Variants in DST observed in about 807,000 individuals in gnomAD.
DST encodes the protein bullous pemphigoid antigen.
Under a neutral mutation model 875.2 loss-of-function variants are expected in DST, and 253 were observed. That is an observed-to-expected ratio of 0.29 (90% CI 0.26 to 0.32). The LOEUF is 0.32. Ranked by LOEUF, DST falls within the 10% of genes least tolerant of loss-of-function variation. The probability of loss-of-function intolerance (pLI) is 1.00; values close to 1 mark genes in which losing one functional copy is unlikely to be tolerated. For synonymous variants in DST, 3,124 were observed against 3,197.1 expected (o/e 0.98, Z 0.77); for missense variants, 8,287 against 9,111.6 (o/e 0.91, Z 3.68).
chr6:56,772,406 T>G (rs1054712488), intron 4 of DST, among the ~76,000 whole-genome samples: 1 of 152,180 alleles, frequency 6.6e-6, no homozygotes, highest in Non-Finnish European at 1.5e-5. Context: ...GGCAGGAGAC[T>G]GCATGGCAGA....
intron 5 of DST, among the ~76,000 whole-genome samples, chr6:56,732,591 G>A (rs1252393189): frequency 6.6e-6 from 1 of 152,080 alleles, no homozygotes; most frequent in Non-Finnish European, 1.5e-5. Flanking sequence ...AAATGTAACA[G>A]TAACTTATAC....
chr6:56,581,896 T>C (rs373432314), intron 49 of DST, among the ~76,000 whole-genome samples: 1 of 152,214 alleles, frequency 6.6e-6, no homozygotes, highest in South Asian at 2.1e-4. Flanking sequence ...GGGGTATATC[T>C]AACTACCCAA....
intron 4 of DST, among the ~76,000 whole-genome samples, chr6:56,850,808 C>T (rs1196577307): frequency 6.6e-6 from 1 of 152,194 alleles, no homozygotes. Context: ...AACATTGGCA[C>T]ATCTCATGTA....
intron 90 of DST, among the ~76,000 whole-genome samples, chr6:56,480,677 C>A (rs972863294): frequency 6.6e-6 from 1 of 152,126 alleles, no homozygotes; most frequent in African/African-American, 2.4e-5. Context: ...TATAAAATTA[C>A]AGGTAATTTT....
intron 90 of DST, among the ~76,000 whole-genome samples, chr6:56,478,144 C>T (rs2095273731): frequency 6.6e-6 from 1 of 151,920 alleles, no homozygotes; most frequent in Non-Finnish European, 1.5e-5. Context: ...GAGATAGAAA[C>T]AATACTGATT....
At chr6:56,897,830 C>T (rs1469714312) in intron 3 of DST, among the ~76,000 whole-genome samples, 1 of 152,072 alleles carries the variant, frequency 6.6e-6, no homozygotes, top group Admixed American at 6.6e-5. Flanking sequence ...TATATTTATT[C>T]GCCCTGCTCC....
intron 13 of DST, among the ~76,000 whole-genome samples, chr6:56,647,833 G>A: frequency 6.6e-6 from 1 of 151,912 alleles, no homozygotes; most frequent in Non-Finnish European, 1.5e-5. Flanking sequence ...TTACAAGTGT[G>A]TGCCACCACG....
chr6:56,584,316 G>C (rs1436289388), intron 49 of DST, among the ~76,000 whole-genome samples: 1 of 152,088 alleles, frequency 6.6e-6, no homozygotes, highest in South Asian at 2.1e-4. Flanking sequence ...CACGTCCCTT[G>C]TAAGTTGGAT....
At chr6:56,782,742 T>C (rs2099696644) in intron 4 of DST, among the ~76,000 whole-genome samples, 1 of 152,366 alleles carries the variant, frequency 6.6e-6, no homozygotes, top group Admixed American at 6.5e-5. Flanking sequence ...GCTCTGATTT[T>C]CGTTATTTCT....
intron 61 of DST, among the ~76,000 whole-genome samples, chr6:56,550,392 T>C (rs1226514739): frequency 6.6e-6 from 1 of 152,242 alleles, no homozygotes; most frequent in East Asian, 1.9e-4. Flanking sequence ...GGAGAAATTA[T>C]CACTCTATAT....
At chr6:56,935,940 A>G (rs572691197) in intron 2 of DST, among the ~76,000 whole-genome samples, 5 of 152,212 alleles carry the variant, frequency 3.3e-5, no homozygotes, top group Non-Finnish European at 5.9e-5. Context: ...AGAAAAAAGA[A>G]AAACAAAAAG....
At chr6:56,947,354 G>A (rs994472291) in intron 2 of DST, among the ~76,000 whole-genome samples, 6 of 149,908 alleles carry the variant, frequency 4.0e-5, no homozygotes, top group East Asian at 2.0e-4. Flanking sequence ...AGGTTCAAAC[G>A]ATTCTTCTGC....
intron 36 of DST, chr6:56,618,167 G>A (rs574002428): frequency 6.2e-7 from 1 of 1,614,178 alleles, no homozygotes; most frequent in African/African-American, 1.3e-5. Flanking sequence ...AAAGTACTCA[G>A]AGTAACACTG....
intron 9 of DST, chr6:56,692,370 A>C: frequency 8.2e-7 from 1 of 1,222,166 alleles, no homozygotes; most frequent in Non-Finnish European, 1.1e-6. Context: ...TTGAACTCAG[A>C]CTCCACATTT....
rs779215915 is a variant in DST, at chr6:56,605,830, GT to G, written c.8797del (p.Thr2933LeufsTer20). ...PIIKDTESEK[T>X]FGPASISHDN... ...ATGTGAAATACTTGCAGGGCCAAAAGTTTTTTCAGATTCAGTGTCTTTAATG... is the reference window on the plus strand; with the variant it reads ...ATGTGAAATACTTGCAGGGCCAAAAGTTTTTCAGATTCAGTGTCTTTAATG... On this transcript the variant is annotated frameshift_variant, in exon 40 of 104. Transcript: ENST00000680361. LOFTEE classifies it high-confidence loss of function. The G allele has an allele frequency of 1.2e-6, 2 of 1,612,358 alleles. No individual in the cohort carries two copies. The highest frequency in any genetic ancestry group is 1.7e-6 in the Non-Finnish European group (2 of 1,179,142).
intron 17 of DST, 81 bp from the exon 18 acceptor site, chr6:56,640,686 T>A: frequency 8.9e-7 from 1 of 1,118,716 alleles, no homozygotes; most frequent in Non-Finnish European, 1.3e-6. Flanking sequence ...AATTATAGGT[T>A]TTAGTTAATA....
Position 56,482,113 on chromosome 6 carries a change from C to T in DST, c.21468G>A (p.Leu7156=). ...LEWLAEAEQT[L]RFHGVLPDDE... ...CATCTGGGAGGACACCATGGAAACG[C>T]AGGGTTTGCTCCGCCTCAGCCAGCC... Residue 7156 remains leucine, a synonymous_variant, in exon 90 of 104, where the codon CTG becomes CTA. Transcript: ENST00000680361. 1.2e-6 allele frequency: 2 copies of T among 1,613,620 alleles called. No individual in the cohort carries two copies. Among genetic ancestry groups the T allele is most frequent in the Non-Finnish European group, 8.5e-7 (1 of 1,179,780 alleles).
Position 56,670,816 on chromosome 6 carries a change from A to G in DST, c.1048-9T>C. On this transcript the variant is annotated splice_polypyrimidine_tract_variant and intron_variant, in intron 9 of 103. Coordinates refer to ENST00000680361, the MANE Select transcript of DST (RefSeq NM_001374736.1). ...ACATGGATATCAGATATCTAGATAT[A>G]ACAGAAAGTGTTAAACCTTTAGGAA... 1.3e-6 allele frequency: 2 copies of G among 1,574,688 alleles called. No homozygotes were observed. Among genetic ancestry groups the G allele is most frequent in the Non-Finnish European group, 1.7e-6 (2 of 1,161,280 alleles).
chr6:56,850,360 C>T (rs1261210957), intron 4 of DST, among the ~76,000 whole-genome samples: 1 of 151,128 alleles, frequency 6.6e-6, no homozygotes, highest in Non-Finnish European at 1.5e-5. Context: ...TCCCCTCCAG[C>T]CCCCTTGGAG....
Sources: gnomAD v4.1 joint callset for allele counts (sites outside exome capture counted in the v4.1 genomes callset) on GRCh38, gnomAD v4.1.1 for gene constraint, MANE v1.5 for transcripts, NCBI Gene and HGNC (gene_info 2026-07-23, HGNC 2026-07-21) for gene names.